Variants in VAMP5 observed in about 807,000 individuals in gnomAD.
VAMP5 encodes vesicle-associated membrane protein 5.
Under a neutral mutation model 8.1 loss-of-function variants are expected in VAMP5, and 10 were observed. The observed-to-expected ratio is 1.23, with a 90% CI of 0.76 to 2.09. The LOEUF (loss-of-function observed/expected upper bound fraction) is 2.09. Among genes scored for constraint, VAMP5 ranks in the 30% most tolerant of loss-of-function variants. VAMP5 has a pLI of 0.00. For missense variants in VAMP5, 135 were observed against 152.5 expected, an observed-to-expected ratio of 0.89 and a Z score of 0.60; for synonymous variants, 62 against 60.6, an observed-to-expected ratio of 1.02 and a Z score of -0.11.
chr2:85,585,705 G>A (rs1672451585), intron 1 of VAMP5, among the ~76,000 whole-genome samples: 2 of 152,194 alleles, frequency 1.3e-5, no homozygotes, highest in South Asian at 2.1e-4. Flanking sequence ...GGATTCTCAC[G>A]GGTACATTTG....
At chr2:85,589,991 A>G (rs1037810700) in intron 1 of VAMP5, among the ~76,000 whole-genome samples, 2 of 152,138 alleles carry the variant, frequency 1.3e-5, no homozygotes, top group African/African-American at 4.8e-5. Context: ...GGAAGTTCAA[A>G]GGATTGAATG....
chr2:85,592,854 G>A, intron 2 of VAMP5, 94 bp from the exon 3 acceptor site: 1 of 1,246,952 alleles, frequency 8.0e-7, no homozygotes. Context: ...TGCAGGAGGA[G>A]ACTAAGCCTT....
chr2:85,584,469 C>A lies in VAMP5; in HGVS notation c.-22C>A. 2 of 1,242,592 alleles carry A rather than the reference C, an allele frequency of 1.6e-6. No individual in the cohort carries two copies. Among genetic ancestry groups the A allele is most frequent in the South Asian group, 3.6e-5 (1 of 27,614 alleles). The allele number at this position is 1,242,592 out of a possible 1,614,324, so 77.0% of individuals were successfully genotyped here. Reference sequence around the variant, plus strand: ...CGCAGGCAGAGAAGCCGGGAGCGGGCGAGGCGGCGGCGGCAGCAGCGATGG... The same window carrying A: ...CGCAGGCAGAGAAGCCGGGAGCGGGAGAGGCGGCGGCGGCAGCAGCGATGG... On this transcript the variant is annotated 5_prime_UTR_variant, in exon 1 of 3. Coordinates refer to ENST00000306384, the MANE Select transcript of VAMP5 (RefSeq NM_006634.3).
intron 1 of VAMP5, 150 bp from the exon 2 acceptor site, chr2:85,591,575 A>C (rs1017109375): frequency 8.2e-7 from 1 of 1,219,704 alleles, no homozygotes. Context: ...CCAGACCTTC[A>C]CTCCGCACAC....
intron 1 of VAMP5, among the ~76,000 whole-genome samples, chr2:85,591,394 G>A (rs895329487): frequency 6.6e-6 from 1 of 152,164 alleles, no homozygotes; most frequent in Non-Finnish European, 1.5e-5. Context: ...GAGCAGGTGA[G>A]AAAAGAATCA....
intron 1 of VAMP5, among the ~76,000 whole-genome samples, chr2:85,588,234 G>A (rs1573349999): frequency 6.6e-6 from 1 of 152,244 alleles, no homozygotes; most frequent in South Asian, 2.1e-4. Context: ...ATGAGCCACC[G>A]TGCCTGGCCC....
Position 85,593,042 on chromosome 2 carries a change from G to A in VAMP5, c.236G>A (p.Gly79Asp), listed in dbSNP as rs1672570740. The A allele has an allele frequency of 1.2e-6, 2 of 1,614,082 alleles. No homozygotes were observed. The highest frequency in any genetic ancestry group is 3.3e-5 in the Admixed American group (2 of 60,000). Residue 79 changes from glycine (G) to aspartate (D), a missense_variant, in exon 3 of 3, where the codon GGT becomes GAT. Coordinates refer to ENST00000306384, the MANE Select transcript of VAMP5 (RefSeq NM_006634.3). ...ATCTGCGTGGGGCTGGTGGTGGTTG[G>A]TGTCCTGCTCATCATCCTGATTGTG... ...YRICVGLVVV[G>D]VLLIILIVLL...
intron 1 of VAMP5, among the ~76,000 whole-genome samples, chr2:85,587,165 A>T (rs1354435070): frequency 6.6e-6 from 1 of 152,120 alleles, no homozygotes; most frequent in Non-Finnish European, 1.5e-5. Flanking sequence ...AGAAACAATT[A>T]TGTGTACTAT....
chr2:85,591,190 T>G (rs1672533398), intron 1 of VAMP5, among the ~76,000 whole-genome samples: 1 of 152,214 alleles, frequency 6.6e-6, no homozygotes, highest in South Asian at 2.1e-4. Flanking sequence ...GATCTGAGCT[T>G]CTCAGTTTGG....
intron 2 of VAMP5, 80 bp from the exon 3 acceptor site, chr2:85,592,868 G>T: frequency 1.4e-6 from 2 of 1,443,618 alleles, no homozygotes; most frequent in South Asian, 1.1e-5. Context: ...AAGCCTTACT[G>T]AGATGGGGTT....
At chr2:85,589,818 T>C (rs919742796) in intron 1 of VAMP5, among the ~76,000 whole-genome samples, 2 of 151,974 alleles carry the variant, frequency 1.3e-5, no homozygotes, top group Non-Finnish European at 2.9e-5. Flanking sequence ...CCACCATGCC[T>C]GGCTAATTTT....
chr2:85,585,661 T>A (rs62166769), intron 1 of VAMP5, among the ~76,000 whole-genome samples: 46,505 of 152,018 alleles, frequency 0.31, 7,476 homozygotes, highest in Non-Finnish European at 0.36. Context: ...AGGCAGGATA[T>A]TTTATTGGGG....
intron 1 of VAMP5, among the ~76,000 whole-genome samples, chr2:85,587,049 T>G (rs1186053618): frequency 5.3e-5 from 8 of 150,752 alleles, no homozygotes; most frequent in Non-Finnish European, 1.2e-4. Flanking sequence ...CACTCCAGCC[T>G]GGGCGACAGA....
chr2:85,592,812 A>AG (rs1672562516), intron 2 of VAMP5, 136 bp from the exon 3 acceptor site: 2 of 824,932 alleles, frequency 2.4e-6, no homozygotes, highest in Admixed American at 2.6e-5. Flanking sequence ...AAAAAAAAAA[A>AG]AAAAGAAAGA....
At position 85,593,336 on chromosome 2, in the gene VAMP5, C is replaced by A; in HGVS notation, c.*179C>A. ...TGGCCCTTGAGGGCAGCCTGCTGTACTGGCCATGCTGGGCCAGCCCCACCT... is the reference window on the plus strand; with the variant it reads ...TGGCCCTTGAGGGCAGCCTGCTGTAATGGCCATGCTGGGCCAGCCCCACCT... On this transcript the variant is annotated 3_prime_UTR_variant, in exon 3 of 3. Coordinates refer to ENST00000306384, the MANE Select transcript of VAMP5 (RefSeq NM_006634.3). 1.5e-6 allele frequency: 1 copy of A among 673,206 alleles called. No homozygotes were observed. The allele number at this position is 673,206 out of a possible 1,614,324, so 41.7% of individuals were successfully genotyped here.
chr2:85,585,656 G>A (rs1273368206), intron 1 of VAMP5, among the ~76,000 whole-genome samples: 2 of 152,216 alleles, frequency 1.3e-5, no homozygotes, highest in Admixed American at 1.3e-4. Context: ...GCTGAAGGCA[G>A]GATATTTTAT....
Position 85,593,268 on chromosome 2 carries a change from G to GC in VAMP5, c.*115dup, listed in dbSNP as rs2104054727. The GC allele has an allele frequency of 8.7e-7, 1 of 1,144,946 alleles. No individual in the cohort carries two copies. The highest frequency in any genetic ancestry group is 1.5e-5 in the African/African-American group (1 of 65,484). 70.9% of individuals were successfully genotyped at this position (1,144,946 alleles called of 1,614,324 possible). On this transcript the variant is annotated 3_prime_UTR_variant, in exon 3 of 3. Coordinates refer to ENST00000306384, the MANE Select transcript of VAMP5 (RefSeq NM_006634.3). The stretch of plus-strand genomic sequence containing the variant: ...CCACCCCAGTGAGTGCCAAAGGGCA[G>GC]CCCCAACATGTGCACCCCTGCATTT...
At chr2:85,591,549 G>A (rs998380381) in intron 1 of VAMP5, 176 bp from the exon 2 acceptor site, 97 of 903,442 alleles carry the variant, frequency 1.1e-4, no homozygotes, top group Admixed American at 2.8e-4. Context: ...AAGGTGTGCC[G>A]CACTCACCCC....
chr2:85,585,751 C>T (rs1672452163), intron 1 of VAMP5, among the ~76,000 whole-genome samples: 1 of 152,186 alleles, frequency 6.6e-6, no homozygotes, highest in South Asian at 2.1e-4. Context: ...GGAGGTCGCT[C>T]CTCCACCCAT....
Sources: allele counts gnomAD v4.1 joint callset (sites outside exome capture counted in the v4.1 genomes callset), GRCh38; gene constraint gnomAD v4.1.1; transcripts MANE v1.5; gene names NCBI Gene and HGNC (gene_info 2026-07-23, HGNC 2026-07-21).